Variants in PLAG1 observed in about 807,000 individuals in gnomAD.
PLAG1 encodes the protein zinc finger protein PLAG1.
PLAG1 carries 7 observed loss-of-function variants against 35.5 expected under a neutral mutation model. The ratio of observed to expected loss-of-function variants is 0.20; its 90% CI spans 0.11 to 0.37. PLAG1 has a LOEUF of 0.37. PLAG1 is among the 10% of genes least tolerant of loss of function. The pLI is 1.00. For synonymous variants in PLAG1, 229 were observed against 225.4 expected (o/e 1.02, Z -0.14); for missense variants, 454 against 602.8 (o/e 0.75, Z 2.58).
Position 56,166,220 on chromosome 8 carries a change from TA to T in PLAG1, c.*22del. 1 of 1,521,400 alleles carries T rather than the reference TA, an allele frequency of 6.6e-7. No individual in the cohort carries two copies. 94.2% of individuals were successfully genotyped at this position (1,521,400 alleles called of 1,614,324 possible). ...GGGCACAGCTACACATACATTTCTG[TA>T]ATGAATCCATGTCCCAGAATCCTAC... On this transcript the variant is annotated 3_prime_UTR_variant, in exon 5 of 5. Coordinates refer to ENST00000316981, the MANE Select transcript of PLAG1 (RefSeq NM_002655.3).
At chr8:56,200,889 C>A (rs1448381063) in intron 1 of PLAG1, among the ~76,000 whole-genome samples, 4 of 152,214 alleles carry the variant, frequency 2.6e-5, no homozygotes, top group African/African-American at 9.6e-5. Flanking sequence ...TATACATTAA[C>A]TCATCATCCA....
chr8:56,198,028 T>G (rs1812434999), intron 1 of PLAG1, among the ~76,000 whole-genome samples: 1 of 152,136 alleles, frequency 6.6e-6, no homozygotes, highest in African/African-American at 2.4e-5. Context: ...TCCCTGGAAC[T>G]CATGTCGTCC....
intron 1 of PLAG1, among the ~76,000 whole-genome samples, chr8:56,186,429 T>C (rs894618396): frequency 6.6e-6 from 1 of 152,188 alleles, no homozygotes; most frequent in Non-Finnish European, 1.5e-5. Flanking sequence ...TGGAGTGCAG[T>C]GGTGCAATCT....
At chr8:56,199,748 A>G (rs1315110023) in intron 1 of PLAG1, among the ~76,000 whole-genome samples, 4 of 151,804 alleles carry the variant, frequency 2.6e-5, no homozygotes, top group Non-Finnish European at 5.9e-5. Flanking sequence ...ATCCTCCCCT[A>G]CAGGAGGGCT....
At chr8:56,207,737 T>C (rs917382996) in intron 1 of PLAG1, among the ~76,000 whole-genome samples, 4 of 152,116 alleles carry the variant, frequency 2.6e-5, no homozygotes, top group African/African-American at 7.2e-5. Context: ...TATAATTTAA[T>C]AGCTTCAGAA....
At chr8:56,178,686 G>A (rs1357437604) in intron 2 of PLAG1, among the ~76,000 whole-genome samples, 3 of 152,058 alleles carry the variant, frequency 2.0e-5, no homozygotes, top group Non-Finnish European at 4.4e-5. Context: ...ATCTGTCACA[G>A]CCACCATTGT....
intron 1 of PLAG1, among the ~76,000 whole-genome samples, chr8:56,204,613 G>A (rs964272421): frequency 5.3e-5 from 8 of 151,748 alleles, no homozygotes; most frequent in African/African-American, 1.9e-4. Flanking sequence ...TCTAACCACT[G>A]GTTAAAGAGA....
intron 1 of PLAG1, among the ~76,000 whole-genome samples, chr8:56,199,795 C>G (rs1379948582): frequency 6.6e-6 from 1 of 152,140 alleles, no homozygotes; most frequent in East Asian, 1.9e-4. Flanking sequence ...GTAAAGAGGG[C>G]ACTGACAGTC....
intron 1 of PLAG1, among the ~76,000 whole-genome samples, chr8:56,203,551 T>A (rs1477851933): frequency 6.6e-6 from 1 of 152,098 alleles, no homozygotes; most frequent in African/African-American, 2.4e-5. Flanking sequence ...AGTTATTTGT[T>A]TGTATGACAG....
intron 1 of PLAG1, among the ~76,000 whole-genome samples, chr8:56,183,371 T>C (rs764369202): frequency 6.6e-6 from 1 of 152,220 alleles, no homozygotes; most frequent in Non-Finnish European, 1.5e-5. Context: ...AAGTGTGATA[T>C]GCATGTGACA....
At chr8:56,175,360 T>C (rs184548974) in intron 2 of PLAG1, among the ~76,000 whole-genome samples, 2 of 152,264 alleles carry the variant, frequency 1.3e-5, no homozygotes, top group Non-Finnish European at 1.5e-5. Flanking sequence ...AGACTCTCAG[T>C]TGGGGCTGCT....
rs1811225215 is a variant in PLAG1, at chr8:56,162,321, T to G, written c.*3922A>C. The G allele has an allele frequency of 4.4e-6, 1 of 227,814 alleles. No homozygotes were observed. The highest frequency in any genetic ancestry group is 8.8e-6 in the Non-Finnish European group (1 of 114,210). 14.1% of individuals were successfully genotyped at this position (227,814 alleles called of 1,614,324 possible). ...TTGGGTGAACTGGTATTTTTTAACTTACGTACTGGGAAGACAGTGTGCTTT... is the reference window on the plus strand; with the variant it reads ...TTGGGTGAACTGGTATTTTTTAACTGACGTACTGGGAAGACAGTGTGCTTT... On this transcript the variant is annotated 3_prime_UTR_variant, in exon 5 of 5. Coordinates refer to ENST00000316981, the MANE Select transcript of PLAG1 (RefSeq NM_002655.3).
At chr8:56,201,317 A>T (rs903135056) in intron 1 of PLAG1, among the ~76,000 whole-genome samples, 1 of 152,212 alleles carries the variant, frequency 6.6e-6, no homozygotes, top group African/African-American at 2.4e-5. Context: ...AAAAATGTTT[A>T]TTCATTATTC....
intron 1 of PLAG1, among the ~76,000 whole-genome samples, chr8:56,185,215 T>C (rs889760353): frequency 6.6e-6 from 1 of 152,052 alleles, no homozygotes; most frequent in African/African-American, 2.4e-5. Context: ...GAAGGTAGGA[T>C]AGGGAGGGAT....
In PLAG1 at chr8:56,171,976, A is replaced by G. The variant is rs535017958; in HGVS notation, c.-216-787T>C. On this transcript the variant is annotated intron_variant, in intron 2 of 4. Coordinates refer to ENST00000316981, the MANE Select transcript of PLAG1 (RefSeq NM_002655.3). ...GATCGTACAAGTAAACATGAAAAGAATAACGGTCAAAAGGCAGAATAGAAT... is the reference window on the plus strand; with the variant it reads ...GATCGTACAAGTAAACATGAAAAGAGTAACGGTCAAAAGGCAGAATAGAAT... 2.0e-5 allele frequency among the ~76,000 whole-genome samples: 3 copies of G among 152,344 alleles called. No individual in the cohort carries two copies. The East Asian group carries it at 5.8e-4, about 29-fold the overall frequency.
At chr8:56,203,541 A>G (rs1812619006) in intron 1 of PLAG1, among the ~76,000 whole-genome samples, 1 of 152,122 alleles carries the variant, frequency 6.6e-6, no homozygotes, top group African/African-American at 2.4e-5. Context: ...TAGTTAAATC[A>G]GTTATTTGTT....
At position 56,167,675 on chromosome 8, in the gene PLAG1, T is replaced by G. The variant is rs1309915234; in HGVS notation, c.243-172A>C. Among the ~76,000 whole-genome samples, 1 of 152,232 alleles carries G rather than the reference T, an allele frequency of 6.6e-6. No individual in the cohort carries two copies. Among genetic ancestry groups the G allele is most frequent in the Non-Finnish European group, 1.5e-5 (1 of 68,044 alleles). ...TAATATACCTAATTACTGCAAAACT[T>G]GAGCCATTTAAGTTGCCACTTTAGT... On this transcript the variant is annotated intron_variant, in intron 4 of 4. Coordinates refer to ENST00000316981, the MANE Select transcript of PLAG1 (RefSeq NM_002655.3). This position sits in a 1 kb window ranked among gnomAD's most constrained non-coding sequence, Gnocchi z 5.9.
chr8:56,167,052 T>C lies in PLAG1; in HGVS notation c.694A>G (p.Met232Val). ...AGCTCTTGATTGTGACTCTTCTTCATATGTCGAGTCAGGTGATCCTTTCGC... is the reference window on the plus strand; with the variant it reads ...AGCTCTTGATTGTGACTCTTCTTCACATGTCGAGTCAGGTGATCCTTTCGC... ...FGRKDHLTRH[M>V]KKSHNQELLK... Residue 232 changes from methionine to valine, a missense_variant, in exon 5 of 5, where the codon ATG becomes GTG. This residue lies in a region of PLAG1 where 271 missense variants were observed against 315.6 expected (regional missense o/e 0.86). Transcript: ENST00000316981. This position sits in a 1 kb window ranked among gnomAD's most constrained non-coding sequence, Gnocchi z 5.9. The C allele has an allele frequency of 6.2e-7, 1 of 1,613,920 alleles. No individual in the cohort carries two copies. Among genetic ancestry groups the C allele is most frequent in the Non-Finnish European group, 8.5e-7 (1 of 1,179,776 alleles).
chr8:56,194,316 CAA>C (rs544697171), intron 1 of PLAG1, among the ~76,000 whole-genome samples: 43 of 56,290 alleles, frequency 7.6e-4, no homozygotes, highest in African/African-American at 1.8e-3. Flanking sequence ...AACTCTGTCT[CAA>C]AAAAAAAAAA....
Sources: allele counts gnomAD v4.1 joint callset (sites outside exome capture counted in the v4.1 genomes callset), GRCh38; gene constraint gnomAD v4.1.1; regional missense constraint gnomAD v4.1.1; non-coding constraint Gnocchi (gnomAD v3.1); transcripts MANE v1.5; gene names NCBI Gene and HGNC (gene_info 2026-07-23, HGNC 2026-07-21).